RNF169: variants seen among roughly 807,000 people sequenced by gnomAD.
The protein encoded by RNF169 is E3 ubiquitin-protein ligase RNF169.
In RNF169, 24 loss-of-function variants were observed where a neutral mutation model predicts 53.9. The ratio of observed to expected loss-of-function variants is 0.45; its 90% confidence interval spans 0.32 to 0.63. The LOEUF is 0.63. Ranked by LOEUF, RNF169 falls within the 20% of genes least tolerant of loss-of-function variation. RNF169 has a pLI of 0.04. For synonymous variants in RNF169, 396 were observed against 363.5 expected, an observed-to-expected ratio of 1.09 and a Z score of -1.02; for missense variants, 883 against 906.2, an observed-to-expected ratio of 0.97 and a Z score of 0.33.
At chr11:74,767,466 C>T (rs924383210) in intron 1 of RNF169, among the ~76,000 whole-genome samples, 28 of 152,138 alleles carry the variant, frequency 1.8e-4, no homozygotes, top group East Asian at 3.9e-4. Flanking sequence ...AGTTCGGTGG[C>T]GTGATTTTGG....
intron 1 of RNF169, among the ~76,000 whole-genome samples, chr11:74,772,528 T>C (rs1389421222): frequency 6.6e-6 from 1 of 151,188 alleles, no homozygotes; most frequent in Non-Finnish European, 1.5e-5. Context: ...GGCCCTATAC[T>C]GTAAAGCTCT....
chr11:74,826,609 C>G (rs550365545), intron 4 of RNF169, among the ~76,000 whole-genome samples: 5 of 152,332 alleles, frequency 3.3e-5, no homozygotes, highest in Admixed American at 3.3e-4. Flanking sequence ...CAAGTCCCTG[C>G]TGCCTATGAG....
In RNF169 at chr11:74,841,648, G is replaced by C. The variant is rs1214227488; in HGVS notation, c.*4918G>C. On this transcript the variant is annotated 3_prime_UTR_variant, in exon 6 of 6. Coordinates refer to ENST00000299563, the MANE Select transcript of RNF169 (RefSeq NM_001098638.2). ...GAGAGGCAACCTCAAACTCTAAGCA[G>C]ACTCCCTCTCTCCCTTTCTGGTGTC... is the stretch of plus-strand genomic sequence containing the variant. The C allele has an allele frequency of 2.6e-5, 4 of 152,170 alleles. No homozygotes were observed. Among genetic ancestry groups the C allele is most frequent in the Non-Finnish European group, 5.9e-5 (4 of 68,034 alleles). 9.4% of individuals were successfully genotyped at this position (152,170 alleles called of 1,614,324 possible).
intron 1 of RNF169, among the ~76,000 whole-genome samples, chr11:74,766,148 A>G (rs2035171104): frequency 6.6e-6 from 1 of 152,224 alleles, no homozygotes; most frequent in African/African-American, 2.4e-5. Context: ...AAAATTGGAT[A>G]AAATAGTTTT....
intron 1 of RNF169, among the ~76,000 whole-genome samples, chr11:74,779,914 G>T (rs577423601): frequency 3.7e-4 from 56 of 152,222 alleles, no homozygotes; most frequent in Admixed American, 3.1e-3. Context: ...CAAACTTGCA[G>T]TCCTCCCACT....
At chr11:74,779,973 C>T (rs993187489) in intron 1 of RNF169, among the ~76,000 whole-genome samples, 1 of 152,090 alleles carries the variant, frequency 6.6e-6, no homozygotes, top group African/African-American at 2.4e-5. Flanking sequence ...TTGTGCCCGG[C>T]TAAGCAGGTA....
At chr11:74,770,465 C>T (rs1471688221) in intron 1 of RNF169, among the ~76,000 whole-genome samples, 1 of 152,210 alleles carries the variant, frequency 6.6e-6, no homozygotes, top group East Asian at 1.9e-4. Flanking sequence ...TTCATTTTAG[C>T]TGTAGATATG....
chr11:74,768,423 A>G (rs376115209), intron 1 of RNF169, among the ~76,000 whole-genome samples: 5 of 152,072 alleles, frequency 3.3e-5, no homozygotes, highest in African/African-American at 1.2e-4. Flanking sequence ...CCTGGCCAAC[A>G]TGGGGAAACC....
intron 1 of RNF169, among the ~76,000 whole-genome samples, chr11:74,753,126 G>A (rs572994586): frequency 6.1e-4 from 93 of 152,126 alleles, no homozygotes; most frequent in African/African-American, 1.2e-3. Flanking sequence ...GCGCCACCAC[G>A]CCCGGCTAAT....
chr11:74,791,958 C>T (rs2135087155), intron 2 of RNF169, among the ~76,000 whole-genome samples: 1 of 152,376 alleles, frequency 6.6e-6, no homozygotes, highest in South Asian at 2.1e-4. Context: ...CCACTCCAGG[C>T]AGGCTGCTGC....
At chr11:74,797,913 T>A (rs562520689) in intron 2 of RNF169, among the ~76,000 whole-genome samples, 1 of 152,380 alleles carries the variant, frequency 6.6e-6, no homozygotes, top group East Asian at 1.9e-4. Context: ...TTAATACTTT[T>A]ATAATTTCTT....
chr11:74,806,073 T>C (rs938024775), intron 2 of RNF169, among the ~76,000 whole-genome samples: 1 of 152,120 alleles, frequency 6.6e-6, no homozygotes, highest in African/African-American at 2.4e-5. Context: ...TATGTACATA[T>C]GTATTCATAT....
At chr11:74,822,075 G>A (rs2036020419) in intron 4 of RNF169, among the ~76,000 whole-genome samples, 1 of 151,688 alleles carries the variant, frequency 6.6e-6, no homozygotes, top group African/African-American at 2.4e-5. Flanking sequence ...TGGAGAGGGT[G>A]GGAAGGGTCT....
chr11:74,756,029 C>T (rs755430660), intron 1 of RNF169, among the ~76,000 whole-genome samples: 4 of 152,014 alleles, frequency 2.6e-5, no homozygotes, highest in African/African-American at 9.7e-5. Flanking sequence ...GGTGGGGAGT[C>T]GTTAGGGGAC....
At chr11:74,752,026 G>A (rs1311775204) in intron 1 of RNF169, among the ~76,000 whole-genome samples, 1 of 151,904 alleles carries the variant, frequency 6.6e-6, no homozygotes, top group Admixed American at 6.6e-5. Context: ...AAGGTCAAGA[G>A]ATGGAGACCA....
intron 3 of RNF169, among the ~76,000 whole-genome samples, chr11:74,810,575 C>T (rs1438476852): frequency 6.6e-6 from 1 of 152,118 alleles, no homozygotes; most frequent in East Asian, 1.9e-4. Flanking sequence ...AGAGGAAAAA[C>T]CTAGTATAGT....
intron 1 of RNF169, among the ~76,000 whole-genome samples, chr11:74,762,909 G>A (rs1213594206): frequency 6.6e-6 from 1 of 152,152 alleles, no homozygotes; most frequent in African/African-American, 2.4e-5. Flanking sequence ...TATTTCAGGT[G>A]TTCTCTTCCT....
chr11:74,767,719 G>A (rs1308531044), intron 1 of RNF169, among the ~76,000 whole-genome samples: 2 of 151,840 alleles, frequency 1.3e-5, no homozygotes, highest in African/African-American at 4.8e-5. Context: ...ACAGGTGCCC[G>A]CCACCATACT....
At chr11:74,777,046 A>G (rs535507097) in intron 1 of RNF169, among the ~76,000 whole-genome samples, 1 of 152,328 alleles carries the variant, frequency 6.6e-6, no homozygotes, top group East Asian at 1.9e-4. Flanking sequence ...AGATAGATGG[A>G]AAGACAGAGT....
Sources: allele counts gnomAD v4.1 joint callset (sites outside exome capture counted in the v4.1 genomes callset), GRCh38; gene constraint gnomAD v4.1.1; transcripts MANE v1.5; gene names NCBI Gene and HGNC (gene_info 2026-07-23, HGNC 2026-07-21).